Variants in LSMEM2 observed in about 807,000 individuals in gnomAD.
LSMEM2 encodes the protein leucine rich single-pass membrane protein 2, also known as leucine-rich single-pass membrane protein 2.
In LSMEM2, 20 loss-of-function variants were observed where a neutral mutation model predicts 17.3. That is an observed-to-expected ratio of 1.16 (90% CI 0.81 to 1.68). The LOEUF is 1.68. Ranked by LOEUF, LSMEM2 falls within the 40% of genes most tolerant of loss-of-function variation. The pLI, the probability that LSMEM2 is intolerant of heterozygous loss-of-function variation, is 0.00. For missense variants in LSMEM2, 207 were observed against 214.3 expected (o/e 0.97, Z 0.21); for synonymous variants, 94 against 97.8 (o/e 0.96, Z 0.23).
chr3:50,287,430 G>C lies in LSMEM2; in HGVS notation c.*228G>C, dbSNP rs1701576762. 1 of 618,044 alleles carries C rather than the reference G, an allele frequency of 1.6e-6. No homozygotes were observed. Among genetic ancestry groups the C allele is most frequent in the African/African-American group, 1.9e-5 (1 of 53,988 alleles). The allele number at this position is 618,044 out of a possible 1,614,324, so 38.3% of individuals were successfully genotyped here. On this transcript the variant is annotated 3_prime_UTR_variant, in exon 4 of 4. Coordinates refer to ENST00000316436, the MANE Select transcript of LSMEM2 (RefSeq NM_153215.3). Reference sequence around the variant, plus strand: ...CAAAGCCTCGCTTTGGGTGGCCCAAGGTCAGGGGAAGGGGCACCAGCCTCC... The same window carrying C: ...CAAAGCCTCGCTTTGGGTGGCCCAACGTCAGGGGAAGGGGCACCAGCCTCC...
intron 1 of LSMEM2, among the ~76,000 whole-genome samples, chr3:50,284,203 CAAAA>C (rs1235329401): frequency 4.8e-5 from 2 of 41,362 alleles, no homozygotes; most frequent in Admixed American, 2.8e-4. Flanking sequence ...AAGACTGTCT[CAAAA>C]AAAAAAAAAA....
intron 1 of LSMEM2, among the ~76,000 whole-genome samples, chr3:50,285,970 A>C (rs1291398406): frequency 6.6e-6 from 1 of 151,682 alleles, no homozygotes; most frequent in Non-Finnish European, 1.5e-5. Context: ...CCAACAGTAA[A>C]TGTTGAATGA....
chr3:50,286,785 G>T lies in LSMEM2; in HGVS notation c.284G>T (p.Arg95Leu). 1 of 1,614,182 alleles carries T rather than the reference G, an allele frequency of 6.2e-7. No homozygotes were observed. The change falls in exon 3 of 4, where the codon CGA becomes CTA. Residue 95 changes from arginine to leucine, a missense_variant. Physicochemically the swap from Arg to Leu is moderately radical, Grantham distance 102. Coordinates refer to ENST00000316436, the MANE Select transcript of LSMEM2 (RefSeq NM_153215.3). ...AQAGCSPVYR[R>L]GGFLLLLALL... ...GCTGGCTGCAGCCCTGTGTACAGACGAGGAGGGTTCCTGCTGCTGCTCGCG... is the reference window on the plus strand; with the variant it reads ...GCTGGCTGCAGCCCTGTGTACAGACTAGGAGGGTTCCTGCTGCTGCTCGCG...
Position 50,286,876 on chromosome 3 carries a change from G to A in LSMEM2, c.361+14G>A, listed in dbSNP as rs782177549. The A allele has an allele frequency of 9.3e-6, 15 of 1,612,738 alleles. No individual in the cohort carries two copies. Among genetic ancestry groups the A allele is most frequent in the Non-Finnish European group, 1.2e-5 (14 of 1,179,628 alleles). On this transcript the variant is annotated intron_variant, in intron 3 of 3. Coordinates refer to ENST00000316436, the MANE Select transcript of LSMEM2 (RefSeq NM_153215.3). ...TCTACCTGAGCGGTATGGACGCATA[G>A]GGTGCTAGTAGGAATGGAAAGCAAG...
rs1553707462 is a variant in LSMEM2, at chr3:50,279,099, C to T, written c.-15C>T. 4 of 1,614,108 alleles carry T rather than the reference C, an allele frequency of 2.5e-6. No homozygotes were observed. The South Asian group carries it at 4.4e-5, about 18-fold the overall frequency. On this transcript the variant is annotated 5_prime_UTR_variant, in exon 1 of 4. Coordinates refer to ENST00000316436, the MANE Select transcript of LSMEM2 (RefSeq NM_153215.3). Reference sequence around the variant, plus strand: ...CAAAGGAGCCACTGCTGCATTTGTCCAGTCCTGCTACTGGATGCCATCATT... The same window carrying T: ...CAAAGGAGCCACTGCTGCATTTGTCTAGTCCTGCTACTGGATGCCATCATT...
intron 1 of LSMEM2, among the ~76,000 whole-genome samples, chr3:50,279,710 C>T (rs1701349591): frequency 6.6e-6 from 1 of 152,104 alleles, no homozygotes; most frequent in African/African-American, 2.4e-5. Flanking sequence ...CTAACTGCAC[C>T]ACTGCATATA....
intron 1 of LSMEM2, 121 bp downstream of exon 1, chr3:50,279,292 A>C: frequency 2.2e-6 from 2 of 895,338 alleles, no homozygotes; most frequent in African/African-American, 1.7e-5. Context: ...ACCCATTTTC[A>C]TGCTCCAGCT....
At chr3:50,278,318 G>A (rs1453865404), upstream of LSMEM2, among the ~76,000 whole-genome samples, 3 of 152,330 alleles carry the variant, frequency 2.0e-5, no homozygotes, top group African/African-American at 4.8e-5. Flanking sequence ...GCAGTGATGC[G>A]CATCCTTACA....
chr3:50,280,177 C>CTTTTTTTTTT lies in LSMEM2; in HGVS notation c.58+1010_58+1019dup, dbSNP rs10656924. Among the ~76,000 whole-genome samples the CTTTTTTTTTT allele has an allele frequency of 3.4e-5, 4 of 117,666 alleles. 1 individual carries two copies. Among genetic ancestry groups the CTTTTTTTTTT allele is most frequent in the African/African-American group, 1.1e-4 (3 of 28,468 alleles). 77.2% of individuals were successfully genotyped at this position (117,666 alleles called of 152,430 possible). On this transcript the variant is annotated intron_variant, in intron 1 of 3. Transcript: ENST00000316436. ...GGTGAGCCACCGCGCCTGGCCTCAA[C>CTTTTTTTTTT]TTTTTTTTTTTTTGTCACCCAGGCT...
chr3:50,280,695 G>A (rs587693560), intron 1 of LSMEM2, among the ~76,000 whole-genome samples: 1 of 151,224 alleles, frequency 6.6e-6, no homozygotes, highest in African/African-American at 2.4e-5. Flanking sequence ...CCGGGTTCAC[G>A]CCATTCTCCT....
chr3:50,287,120 A>T lies in LSMEM2; in HGVS notation c.413A>T (p.Glu138Val), dbSNP rs1473458849. Reference sequence around the variant, plus strand: ...CTGGCACACACGCTCCGCACGCAGGAGGAGACACTACTCAAACTCCGCTTG... The same window carrying T: ...CTGGCACACACGCTCCGCACGCAGGTGGAGACACTACTCAAACTCCGCTTG... ...RILAHTLRTQEETLLKLRLAS... is the reference protein window; with the variant it reads ...RILAHTLRTQVETLLKLRLAS... The change falls in exon 4 of 4, where the codon GAG (glutamate) becomes GTG (valine). Residue 138 changes from glutamate (E) to valine (V), a missense_variant. By Grantham distance (121) the Glu-to-Val change is moderately radical. Coordinates refer to ENST00000316436, the MANE Select transcript of LSMEM2 (RefSeq NM_153215.3). 4 of 1,614,112 alleles carry T rather than the reference A, an allele frequency of 2.5e-6. No individual in the cohort carries two copies. Among genetic ancestry groups the T allele is most frequent in the Non-Finnish European group, 3.4e-6 (4 of 1,180,022 alleles).
At chr3:50,280,001 A>C (rs1482532610) in intron 1 of LSMEM2, among the ~76,000 whole-genome samples, 1 of 151,292 alleles carries the variant, frequency 6.6e-6, no homozygotes, top group Non-Finnish European at 1.5e-5. Context: ...CAGCCTCCCA[A>C]GTAGCTGGGA....
At chr3:50,278,244 G>A (rs1227098370), upstream of LSMEM2, among the ~76,000 whole-genome samples, 1 of 152,216 alleles carries the variant, frequency 6.6e-6, no homozygotes, top group Non-Finnish European at 1.5e-5. Flanking sequence ...TGGGAAGGAA[G>A]GGCACAGGGA....
chr3:50,286,196 A>G lies in LSMEM2; in HGVS notation c.59-275A>G, dbSNP rs587737060. 7.2e-5 allele frequency among the ~76,000 whole-genome samples: 11 copies of G among 152,350 alleles called. No homozygotes were observed. In the South Asian group the frequency reaches 2.3e-3, roughly 32 times the overall value. ...ATTCAAGGCTGATAAACTGCTAGAA[A>G]TAAGCAGGCAGAGGAATGCCTGAGT... On this transcript the variant is annotated intron_variant, in intron 1 of 3. Transcript: ENST00000316436.
upstream of LSMEM2, chr3:50,279,050 G>A: frequency 6.4e-7 from 1 of 1,557,738 alleles, no homozygotes; most frequent in East Asian, 2.2e-5. Context: ...AGGCTGGGAG[G>A]CAGCCAGGCC....
intron 1 of LSMEM2, among the ~76,000 whole-genome samples, chr3:50,284,901 T>C (rs782791942): frequency 2.6e-5 from 4 of 151,688 alleles, no homozygotes; most frequent in Non-Finnish European, 5.9e-5. Flanking sequence ...CAGGGCGTGG[T>C]GGCACACATC....
At chr3:50,279,484 G>C (rs587662585) in intron 1 of LSMEM2, among the ~76,000 whole-genome samples, 1 of 152,334 alleles carries the variant, frequency 6.6e-6, no homozygotes, top group African/African-American at 2.4e-5. Context: ...CATCCGGTCA[G>C]CTGCCTGGCC....
At chr3:50,287,020 G>T in intron 3 of LSMEM2, 49 bp from the exon 4 acceptor site, 1 of 1,609,614 alleles carries the variant, frequency 6.2e-7, no homozygotes, top group Admixed American at 1.7e-5. Context: ...GGTCTGCAGG[G>T]GTCACGGGGT....
chr3:50,280,405 T>C (rs1049307556), intron 1 of LSMEM2, among the ~76,000 whole-genome samples: 2 of 152,170 alleles, frequency 1.3e-5, no homozygotes, highest in Non-Finnish European at 2.9e-5. Context: ...TCCACCCACC[T>C]TGGCCTCCCA....
Sources: gnomAD v4.1 joint callset for allele counts (sites outside exome capture counted in the v4.1 genomes callset) on GRCh38, gnomAD v4.1.1 for gene constraint, MANE v1.5 for transcripts, NCBI Gene and HGNC (gene_info 2026-07-23, HGNC 2026-07-21) for gene names.